ATIC: variants seen among roughly 807,000 people sequenced by gnomAD.
ATIC encodes the protein 5-aminoimidazole-4-carboxamide ribonucleotide formyltransferase/IMP cyclohydrolase, also known as bifunctional purine biosynthesis protein ATIC.
In ATIC, 64 loss-of-function variants were observed where a neutral mutation model predicts 72.5. The ratio of observed to expected loss-of-function variants is 0.88; its 90% CI spans 0.72 to 1.09. The LOEUF is 1.09. Ranked by LOEUF, ATIC falls within the 50% of genes least tolerant of loss-of-function variation. The pLI is 0.00. For missense variants in ATIC, 787 were observed against 732.4 expected, an observed-to-expected ratio of 1.07 and a Z score of -0.86; for synonymous variants, 281 against 267.1, an observed-to-expected ratio of 1.05 and a Z score of -0.51.
At chr2:215,365,423 A>G in the ATIC span, 2 of 1,456,880 alleles carry the variant, frequency 1.4e-6, no homozygotes, top group African/African-American at 1.4e-5. Flanking sequence ...GTCTCCAATC[A>G]TTTCTGTGAA....
At chr2:215,360,230 G>A in the ATIC span, among the ~76,000 whole-genome samples, 3 of 152,132 alleles carry the variant, frequency 2.0e-5, no homozygotes, top group Non-Finnish European at 2.9e-5. Flanking sequence ...GAGCCACTGC[G>A]CCTGGCCTGA....
At chr2:215,349,828 A>T, downstream of ATIC, 1 of 1,160,136 alleles carries the variant, frequency 8.6e-7, no homozygotes, top group Non-Finnish European at 1.2e-6. Context: ...GACACATGAC[A>T]CATAACACAT....
Position 215,312,579 on chromosome 2 carries a change from C to T in ATIC, c.101C>T (p.Ser34Phe). ...LTALGLNLVA[S>F]GGTAKALRDA... ...GCTCTTGGTTTGAATCTGGTCGCTTCCGGAGGGACTGCAAAAGCTCTCAGG... is the reference window on the plus strand; with the variant it reads ...GCTCTTGGTTTGAATCTGGTCGCTTTCGGAGGGACTGCAAAAGCTCTCAGG... Residue 34 changes from serine to phenylalanine, a missense_variant, in exon 2 of 16, where the codon TCC becomes TTC. Physicochemically the swap from Ser to Phe is radical, Grantham distance 155. Transcript: ENST00000236959. The T allele has an allele frequency of 1.2e-6, 2 of 1,614,178 alleles. No individual in the cohort carries two copies. Among genetic ancestry groups the T allele is most frequent in the South Asian group, 2.2e-5 (2 of 91,078 alleles).
downstream of ATIC, among the ~76,000 whole-genome samples, chr2:215,354,567 A>G (rs2053152803): frequency 6.6e-6 from 1 of 151,624 alleles, no homozygotes; most frequent in Admixed American, 6.6e-5. Context: ...CATTTTCTTT[A>G]TTCGTCCCTC....
chr2:215,321,642 T>C (rs1241622408), intron 4 of ATIC, among the ~76,000 whole-genome samples: 6 of 152,230 alleles, frequency 3.9e-5, no homozygotes, highest in Non-Finnish European at 1.5e-5. Context: ...TCATCAACGT[T>C]ACTATCTGTC....
chr2:215,358,423 A>C, the ATIC span, among the ~76,000 whole-genome samples: 1 of 152,210 alleles, frequency 6.6e-6, no homozygotes, highest in South Asian at 2.1e-4. Context: ...AACCTGAATC[A>C]ATAAAAACGG....
At chr2:215,334,571 T>C (rs1415141365) in intron 9 of ATIC, among the ~76,000 whole-genome samples, 1 of 152,206 alleles carries the variant, frequency 6.6e-6, no homozygotes, top group Non-Finnish European at 1.5e-5. Context: ...TGAATATCCC[T>C]TTAGTATTTC....
intron 8 of ATIC, 97 bp from the exon 9 acceptor site, chr2:215,333,253 T>C: frequency 1.0e-6 from 1 of 965,126 alleles, no homozygotes; most frequent in Non-Finnish European, 1.7e-6. Context: ...GAAAATGTGC[T>C]GCGTAGACTG....
the ATIC span, chr2:215,365,040 T>C: frequency 8.7e-7 from 1 of 1,145,534 alleles, no homozygotes; most frequent in African/African-American, 1.5e-5. Flanking sequence ...TACTGCAGAC[T>C]TGATCTAGGG....
At chr2:215,364,071 T>C in the ATIC span, among the ~76,000 whole-genome samples, 2 of 152,234 alleles carry the variant, frequency 1.3e-5, no homozygotes, top group Non-Finnish European at 2.9e-5. Flanking sequence ...TTCTCTTTCT[T>C]GCTAATTCCA....
chr2:215,346,478 C>CT lies in ATIC; in HGVS notation c.1321-267dup, dbSNP rs112969952. ...ACCCAGCATTGGTCATTTATTTTAACTTTTTTTTTTTTTTGACCTCAAACC... is the reference window on the plus strand; with the variant it reads ...ACCCAGCATTGGTCATTTATTTTAACTTTTTTTTTTTTTTTGACCTCAAACC... On this transcript the variant is annotated intron_variant, in intron 13 of 15. Coordinates refer to ENST00000236959, the MANE Select transcript of ATIC (RefSeq NM_004044.7). 9.7e-3 allele frequency among the ~76,000 whole-genome samples: 1,409 copies of CT among 144,636 alleles called. 20 individuals are homozygous for CT. The highest frequency in any genetic ancestry group is 0.029 in the African/African-American group (1,163 of 39,744). 94.9% of individuals were successfully genotyped at this position (144,636 alleles called of 152,430 possible).
At position 215,320,019 on chromosome 2, in the gene ATIC, T is replaced by C. The variant is rs147500924; in HGVS notation, c.290+288T>C. On this transcript the variant is annotated intron_variant, in intron 4 of 15. Transcript: ENST00000236959. ...TTGGATTTCAGATTTCTTCAGATTT[T>C]GGAATATTTGCAGGTAACATGCCAG... is the stretch of plus-strand genomic sequence containing the variant. Among the ~76,000 whole-genome samples, 157 of 152,348 alleles carry C rather than the reference T, an allele frequency of 1.0e-3. 3 individuals carry two copies. Among genetic ancestry groups the C allele is most frequent in the African/African-American group, 3.4e-3 (143 of 41,584 alleles).
chr2:215,331,097 A>G (rs1575119302), intron 7 of ATIC, among the ~76,000 whole-genome samples: 1 of 152,302 alleles, frequency 6.6e-6, no homozygotes, highest in Middle Eastern at 3.4e-3. Flanking sequence ...AAATTGCTAT[A>G]ATCATTTGTG....
At chr2:215,332,550 G>T (rs762550408) in intron 8 of ATIC, 43 bp downstream of exon 8, 111 of 1,605,134 alleles carry the variant, frequency 6.9e-5, no homozygotes, top group Non-Finnish European at 8.7e-5. Context: ...TGTTCGAAAG[G>T]CATTTCTTCT....
chr2:215,361,252 G>T, the ATIC span: 1 of 347,570 alleles, frequency 2.9e-6, no homozygotes, highest in Non-Finnish European at 5.4e-6. Flanking sequence ...TTGGTTGGCT[G>T]CATATGCTTT....
At chr2:215,367,297 A>G in the ATIC span, among the ~76,000 whole-genome samples, 1,274 of 152,336 alleles carry the variant, frequency 8.4e-3, 19 homozygotes, top group African/African-American at 0.029. Flanking sequence ...AAAATCAAAC[A>G]TTTATCAATT....
intron 14 of ATIC, chr2:215,347,309 C>G (rs548020050): frequency 2.7e-5 from 10 of 377,122 alleles, no homozygotes; most frequent in South Asian, 2.2e-4. Flanking sequence ...TCCGATGGGT[C>G]TGTATTCAAC....
chr2:215,346,130 G>A (rs1249855288), intron 13 of ATIC, among the ~76,000 whole-genome samples: 2 of 151,984 alleles, frequency 1.3e-5, no homozygotes, highest in East Asian at 1.9e-4. Context: ...AGTAACCATA[G>A]TTATTTTTGT....
At chr2:215,339,979 T>C (rs1445986222) in intron 12 of ATIC, among the ~76,000 whole-genome samples, 1 of 151,562 alleles carries the variant, frequency 6.6e-6, no homozygotes, top group East Asian at 1.9e-4. Context: ...TTTATCCCTT[T>C]GAAGCTCGCT....
Sources: gnomAD v4.1 joint callset for allele counts (sites outside exome capture counted in the v4.1 genomes callset) on GRCh38, gnomAD v4.1.1 for gene constraint, MANE v1.5 for transcripts, NCBI Gene and HGNC (gene_info 2026-07-23, HGNC 2026-07-21) for gene names.